Variants in FRMD3 observed in about 807,000 individuals in gnomAD.
FRMD3 encodes FERM domain containing 3.
In FRMD3, 33 loss-of-function variants were observed where a neutral mutation model predicts 70.2. The observed-to-expected ratio is 0.47, with a 90% CI of 0.36 to 0.63. The LOEUF (loss-of-function observed/expected upper bound fraction) is 0.63, where lower values mean the gene tolerates loss of function less well. Among genes scored for constraint, FRMD3 ranks in the 20% least tolerant of loss-of-function variants. The pLI is 0.00. For missense variants in FRMD3, 632 were observed against 711.4 expected (o/e 0.89, Z 1.27); for synonymous variants, 279 against 255.9 (o/e 1.09, Z -0.86).
At chr9:83,389,366 T>C (rs1036425317) in intron 2 of FRMD3, among the ~76,000 whole-genome samples, 3 of 152,106 alleles carry the variant, frequency 2.0e-5, no homozygotes, top group Non-Finnish European at 4.4e-5. Context: ...CACAGGGACA[T>C]TCTCTCTTCT....
intron 1 of FRMD3, among the ~76,000 whole-genome samples, chr9:83,414,880 T>C (rs549639535): frequency 1.1e-3 from 169 of 152,364 alleles, no homozygotes; most frequent in African/African-American, 3.9e-3. Context: ...AGGAAGACAG[T>C]GTGTGCAACT....
intron 1 of FRMD3, among the ~76,000 whole-genome samples, chr9:83,464,226 G>T (rs1309676099): frequency 1.3e-5 from 2 of 152,166 alleles, no homozygotes; most frequent in African/African-American, 4.8e-5. Context: ...ATCTGGGCTG[G>T]CAAAGAACGG....
intron 3 of FRMD3, among the ~76,000 whole-genome samples, chr9:83,366,965 G>C (rs764094532): frequency 6.6e-6 from 1 of 152,058 alleles, no homozygotes; most frequent in Non-Finnish European, 1.5e-5. Context: ...CTCAGGAGGC[G>C]GAGGTTGCAG....
the FRMD3 span, among the ~76,000 whole-genome samples, chr9:83,570,701 A>C: frequency 6.6e-6 from 1 of 152,224 alleles, no homozygotes; most frequent in African/African-American, 2.4e-5. Flanking sequence ...CTCAATAAAG[A>C]ATTCTGAGCA....
At chr9:83,579,252 A>G in the FRMD3 span, among the ~76,000 whole-genome samples, 1 of 151,916 alleles carries the variant, frequency 6.6e-6, no homozygotes, top group Non-Finnish European at 1.5e-5. Context: ...TTGTCTATAG[A>G]TTCAATGTAA....
intron 1 of FRMD3, among the ~76,000 whole-genome samples, chr9:83,410,321 T>A (rs1013167673): frequency 1.3e-5 from 2 of 152,054 alleles, no homozygotes; most frequent in African/African-American, 4.8e-5. Flanking sequence ...CCCACAGTAG[T>A]CCCCAGTTTC....
At chr9:83,338,527 G>A (rs1360769905) in intron 5 of FRMD3, among the ~76,000 whole-genome samples, 1 of 152,102 alleles carries the variant, frequency 6.6e-6, no homozygotes, top group African/African-American at 2.4e-5. Flanking sequence ...CGCACCCTTT[G>A]GGACACTCTG....
intron 1 of FRMD3, among the ~76,000 whole-genome samples, chr9:83,413,635 T>C (rs1200214295): frequency 6.6e-6 from 1 of 152,222 alleles, no homozygotes; most frequent in Admixed American, 6.5e-5. Context: ...TTGAGATTCA[T>C]GGTATTTAAC....
intron 13 of FRMD3, among the ~76,000 whole-genome samples, chr9:83,258,936 G>T (rs906214208): frequency 6.6e-6 from 1 of 152,166 alleles, no homozygotes; most frequent in Non-Finnish European, 1.5e-5. Flanking sequence ...GCCCATGCTG[G>T]CATCCAACTA....
At chr9:83,279,239 G>A (rs1260135172) in intron 13 of FRMD3, 1 of 152,204 alleles carries the variant, frequency 6.6e-6, no homozygotes, top group Non-Finnish European at 1.5e-5. Context: ...TCTAAAGGAA[G>A]TGAGGGCTCT....
upstream of FRMD3, among the ~76,000 whole-genome samples, chr9:83,541,963 C>T (rs374287236): frequency 6.6e-6 from 1 of 151,914 alleles, no homozygotes; most frequent in African/African-American, 2.4e-5. Context: ...TATTTTTTAC[C>T]GATTGGGTCC....
At chr9:83,389,919 C>A (rs1825619777) in intron 1 of FRMD3, among the ~76,000 whole-genome samples, 1 of 152,166 alleles carries the variant, frequency 6.6e-6, no homozygotes, top group African/African-American at 2.4e-5. Context: ...CACAAACACA[C>A]ACACACACAC....
upstream of FRMD3, among the ~76,000 whole-genome samples, chr9:83,542,318 C>G (rs1346245346): frequency 6.6e-6 from 1 of 152,144 alleles, no homozygotes. Context: ...AATATTGCAT[C>G]TTGAATTTTT....
At chr9:83,297,641 G>T (rs1481058196) in intron 12 of FRMD3, 1 of 434,334 alleles carries the variant, frequency 2.3e-6, no homozygotes, top group Non-Finnish European at 4.7e-6. Context: ...TCTCATTGGT[G>T]GGCAGGCTGC....
At chr9:83,567,790 C>T in the FRMD3 span, among the ~76,000 whole-genome samples, 7 of 152,194 alleles carry the variant, frequency 4.6e-5, no homozygotes, top group East Asian at 3.9e-4. Flanking sequence ...CAGCCTGGAC[C>T]TTATTGTTCA....
At chr9:83,331,775 AG>A (rs1365041875) in intron 6 of FRMD3, 2 of 686,524 alleles carry the variant, frequency 2.9e-6, no homozygotes, top group East Asian at 5.4e-5. Flanking sequence ...TATTAAAAAA[AG>A]AAAAACAACT....
chr9:83,335,005 G>A (rs1006444117), intron 6 of FRMD3, among the ~76,000 whole-genome samples: 1 of 152,102 alleles, frequency 6.6e-6, no homozygotes, highest in Non-Finnish European at 1.5e-5. Context: ...ATGCAATTTT[G>A]CTTCTACCAC....
intron 6 of FRMD3, among the ~76,000 whole-genome samples, chr9:83,325,074 T>C (rs890024263): frequency 2.6e-5 from 4 of 152,172 alleles, no homozygotes; most frequent in African/African-American, 9.7e-5. Context: ...CAAAGTCAAA[T>C]ACTACATCTT....
At chr9:83,543,060 A>C (rs1249237287), upstream of FRMD3, among the ~76,000 whole-genome samples, 1 of 152,112 alleles carries the variant, frequency 6.6e-6, no homozygotes, top group East Asian at 1.9e-4. Flanking sequence ...ACATCAACAC[A>C]TCAAAAGCAT....
Sources: gnomAD v4.1 joint callset for allele counts (sites outside exome capture counted in the v4.1 genomes callset) on GRCh38, gnomAD v4.1.1 for gene constraint, MANE v1.5 for transcripts, NCBI Gene and HGNC (gene_info 2026-07-23, HGNC 2026-07-21) for gene names.